Variants in RAPGEF5 observed in about 807,000 individuals in gnomAD.
RAPGEF5 encodes the protein Rap guanine nucleotide exchange factor 5, also known as M-Ras-regulated GEF.
RAPGEF5 carries 65 observed loss-of-function variants against 125.2 expected under a neutral mutation model. The observed-to-expected ratio is 0.52, with a 90% CI of 0.43 to 0.64. The LOEUF (loss-of-function observed/expected upper bound fraction) is 0.64, where lower values mean the gene tolerates loss of function less well. Ranked by LOEUF, RAPGEF5 falls within the 30% of genes least tolerant of loss-of-function variation. The pLI is 0.00. For missense variants in RAPGEF5, 958 were observed against 1,048.1 expected (o/e 0.91, Z 1.19); for synonymous variants, 391 against 385.9 (o/e 1.01, Z -0.16).
chr7:22,141,148 T>C (rs1484106329), intron 20 of RAPGEF5, among the ~76,000 whole-genome samples: 3 of 152,230 alleles, frequency 2.0e-5, no homozygotes, highest in African/African-American at 7.2e-5. Flanking sequence ...TTTACTATCA[T>C]TAACAGCTAT....
intron 9 of RAPGEF5, among the ~76,000 whole-genome samples, chr7:22,202,380 C>CA (rs1472542731): frequency 6.6e-6 from 1 of 152,182 alleles, no homozygotes; most frequent in African/African-American, 2.4e-5. Flanking sequence ...GCCTTATCTA[C>CA]AGCCAAATCC....
At chr7:22,332,979 G>T (rs1055602333) in intron 1 of RAPGEF5, among the ~76,000 whole-genome samples, 1 of 152,002 alleles carries the variant, frequency 6.6e-6, no homozygotes, top group African/African-American at 2.4e-5. Flanking sequence ...GGTTACCCAG[G>T]TCACACAAAC....
intron 11 of RAPGEF5, among the ~76,000 whole-genome samples, chr7:22,186,865 C>T (rs1460235812): frequency 1.3e-5 from 2 of 152,072 alleles, no homozygotes; most frequent in Admixed American, 6.6e-5. Context: ...CTGAATATCC[C>T]AAAATGGCTT....
Position 22,138,160 on chromosome 7 carries a change from C to T in RAPGEF5, c.2278-1177G>A, listed in dbSNP as rs191254152. 1.3e-3 allele frequency among the ~76,000 whole-genome samples: 198 copies of T among 152,226 alleles called. 4 individuals carry two copies. Among genetic ancestry groups the T allele is most frequent in the African/African-American group, 4.6e-3 (192 of 41,500 alleles). On this transcript the variant is annotated intron_variant, in intron 21 of 25. Transcript: ENST00000665637. ...GCCTACCTTAGTCTGTGGGACATCCCTCACAAATGTCCCAGTGGCACCTCA... is the reference window on the plus strand; with the variant it reads ...GCCTACCTTAGTCTGTGGGACATCCTTCACAAATGTCCCAGTGGCACCTCA...
chr7:22,145,388 T>C (rs1048197609), intron 19 of RAPGEF5, 166 bp from the exon 20 acceptor site: 3 of 604,922 alleles, frequency 5.0e-6, no homozygotes, highest in Non-Finnish European at 7.9e-6. Flanking sequence ...TGAGTTAGTT[T>C]TAGAGGTGCC....
chr7:22,338,522 G>C (rs925124661), intron 1 of RAPGEF5, among the ~76,000 whole-genome samples: 4 of 152,196 alleles, frequency 2.6e-5, no homozygotes, highest in Non-Finnish European at 5.9e-5. Context: ...GCTAAGGACT[G>C]GGATAATTCC....
intron 18 of RAPGEF5, among the ~76,000 whole-genome samples, chr7:22,148,639 G>A (rs961642098): frequency 6.6e-6 from 1 of 152,142 alleles, no homozygotes; most frequent in African/African-American, 2.4e-5. Context: ...AGGGTAGGAT[G>A]GAGTCTGGCT....
At chr7:22,171,024 G>A (rs1335952244) in intron 11 of RAPGEF5, among the ~76,000 whole-genome samples, 1 of 143,924 alleles carries the variant, frequency 6.9e-6, no homozygotes, top group Non-Finnish European at 1.5e-5. Flanking sequence ...CAGCATTCAT[G>A]TTTTTTTTTT....
intron 9 of RAPGEF5, among the ~76,000 whole-genome samples, chr7:22,205,849 A>G (rs545779933): frequency 1.3e-5 from 2 of 152,368 alleles, no homozygotes; most frequent in East Asian, 3.9e-4. Flanking sequence ...AGACACTTCT[A>G]GCTGGATATG....
intron 9 of RAPGEF5, among the ~76,000 whole-genome samples, chr7:22,208,706 A>G (rs535775897): frequency 5.6e-4 from 86 of 152,234 alleles, no homozygotes; most frequent in Middle Eastern, 6.8e-3. Flanking sequence ...ATCATCAATC[A>G]CTCAGAAGGA....
chr7:22,223,217 G>A (rs1359033075), intron 8 of RAPGEF5, among the ~76,000 whole-genome samples: 1 of 152,146 alleles, frequency 6.6e-6, no homozygotes, highest in Non-Finnish European at 1.5e-5. Flanking sequence ...ATCTGAGGAG[G>A]AGTGGCTCCA....
intron 1 of RAPGEF5, among the ~76,000 whole-genome samples, chr7:22,342,541 G>A (rs1034129608): frequency 2.0e-5 from 3 of 152,194 alleles, no homozygotes; most frequent in African/African-American, 7.2e-5. Context: ...ACATTGTCAG[G>A]CTGCAAATTT....
chr7:22,188,536 G>A (rs977244125), intron 11 of RAPGEF5, among the ~76,000 whole-genome samples: 1 of 152,104 alleles, frequency 6.6e-6, no homozygotes, highest in East Asian at 1.9e-4. Context: ...GGAGGCCAAG[G>A]TGGGTGGATC....
chr7:22,122,165 C>T lies in RAPGEF5; in HGVS notation c.*241G>A. 1 of 456,182 alleles carries T rather than the reference C, an allele frequency of 2.2e-6. No homozygotes were observed. The highest frequency in any genetic ancestry group is 3.3e-5 in the South Asian group (1 of 29,868). The allele number at this position is 456,182 out of a possible 1,614,324, so 28.3% of individuals were successfully genotyped here. On this transcript the variant is annotated 3_prime_UTR_variant, in exon 26 of 26. Transcript: ENST00000665637. Reference sequence around the variant, plus strand: ...CATAAGAAACCAGCCTTCTCCATCTCAAGAATGCTTCTGACTCTCCTTCTG... The same window carrying T: ...CATAAGAAACCAGCCTTCTCCATCTTAAGAATGCTTCTGACTCTCCTTCTG...
In RAPGEF5 at chr7:22,277,854, G is replaced by A. The variant is rs543624728; in HGVS notation, c.748-10842C>T. On this transcript the variant is annotated intron_variant, in intron 6 of 25. Coordinates refer to ENST00000665637, the MANE Select transcript of RAPGEF5 (RefSeq NM_012294.5). The stretch of plus-strand genomic sequence containing the variant: ...TCTCCTTTATTTTAAAAGCTCATAT[G>A]TTTAGACAGAGTCCACACAGACAAT... Among the ~76,000 whole-genome samples the A allele has an allele frequency of 1.3e-3, 199 of 152,252 alleles. 1 individual carries two copies. The highest frequency in any genetic ancestry group is 2.0e-3 in the Non-Finnish European group (134 of 68,016).
intron 9 of RAPGEF5, among the ~76,000 whole-genome samples, chr7:22,218,236 T>C (rs1785688996): frequency 6.6e-6 from 1 of 152,194 alleles, no homozygotes; most frequent in Admixed American, 6.5e-5. Context: ...CTGAACTAAA[T>C]ATACAACAAA....
chr7:22,167,920 T>C (rs569803913), intron 11 of RAPGEF5, among the ~76,000 whole-genome samples: 5 of 152,356 alleles, frequency 3.3e-5, no homozygotes, highest in African/African-American at 1.2e-4. Flanking sequence ...ATTTCCAATA[T>C]GGTACAAAAG....
chr7:22,334,051 G>T (rs1562533819), intron 1 of RAPGEF5, among the ~76,000 whole-genome samples: 1 of 152,258 alleles, frequency 6.6e-6, no homozygotes, highest in African/African-American at 2.4e-5. Context: ...CTGCTAATGA[G>T]AGAGCTGCTG....
intron 7 of RAPGEF5, among the ~76,000 whole-genome samples, chr7:22,232,467 G>T (rs1807751): frequency 0.57 from 86,485 of 151,652 alleles, 24,874 homozygotes; most frequent in East Asian, 0.84. Context: ...TTACAGGCGT[G>T]CACTACCATG....
Sources: gnomAD v4.1 joint callset for allele counts (sites outside exome capture counted in the v4.1 genomes callset) on GRCh38, gnomAD v4.1.1 for gene constraint, MANE v1.5 for transcripts, NCBI Gene and HGNC (gene_info 2026-07-23, HGNC 2026-07-21) for gene names.